Variants in CABCOCO1 observed in about 807,000 individuals in gnomAD.
CABCOCO1 encodes ciliary-associated calcium-binding coiled-coil protein 1.
A neutral mutation model predicts 35.7 loss-of-function variants in CABCOCO1; 28 were observed. The ratio of observed to expected loss-of-function variants is 0.78; its 90% CI spans 0.58 to 1.07. The LOEUF (loss-of-function observed/expected upper bound fraction) is 1.07, where lower values mean the gene tolerates loss of function less well. CABCOCO1 is among the 50% of genes least tolerant of loss of function. The probability of loss-of-function intolerance (pLI) is 0.00; values close to 1 mark genes in which losing one functional copy is unlikely to be tolerated. For missense variants in CABCOCO1, 326 were observed against 309.2 expected (o/e 1.05, Z -0.41); for synonymous variants, 95 against 100.1 (o/e 0.95, Z 0.30).
At chr10:61,728,873 G>A (rs1474273404) in intron 5 of CABCOCO1, among the ~76,000 whole-genome samples, 1 of 152,100 alleles carries the variant, frequency 6.6e-6, no homozygotes, top group East Asian at 1.9e-4. Context: ...CCTTCTTGAA[G>A]TCATGGCTGG....
At chr10:61,734,153 G>A (rs1841364891) in intron 5 of CABCOCO1, among the ~76,000 whole-genome samples, 1 of 151,362 alleles carries the variant, frequency 6.6e-6, no homozygotes, top group African/African-American at 2.4e-5. Context: ...TTTTCTCTCT[G>A]CCCTAAACCT....
At chr10:61,760,248 C>A in intron 6 of CABCOCO1, 67 bp downstream of exon 6, 3 of 1,521,438 alleles carry the variant, frequency 2.0e-6, no homozygotes, top group Non-Finnish European at 2.7e-6. Context: ...TGGGAGGAAA[C>A]GAACTAAATG....
At chr10:61,759,161 TC>T (rs1323643716) in intron 5 of CABCOCO1, among the ~76,000 whole-genome samples, 19 of 152,052 alleles carry the variant, frequency 1.2e-4, no homozygotes, top group African/African-American at 4.1e-4. Context: ...AATAACAAGC[TC>T]CTATAAAGCA....
At chr10:61,679,313 AT>A (rs1839627870) in intron 2 of CABCOCO1, among the ~76,000 whole-genome samples, 6 of 128,460 alleles carry the variant, frequency 4.7e-5, no homozygotes, top group African/African-American at 9.1e-5. Flanking sequence ...ATCTATATCT[AT>A]ATCTATATCT....
intron 5 of CABCOCO1, among the ~76,000 whole-genome samples, chr10:61,712,679 G>A (rs1415729093): frequency 1.3e-5 from 2 of 152,188 alleles, no homozygotes; most frequent in South Asian, 2.1e-4. Context: ...AATAATTTAT[G>A]TATAAGGTGT....
chr10:61,703,133 A>G (rs1222345192), intron 5 of CABCOCO1, among the ~76,000 whole-genome samples: 8 of 151,940 alleles, frequency 5.3e-5, no homozygotes, highest in Non-Finnish European at 4.4e-5. Flanking sequence ...ACTAAGAAGA[A>G]TTTAGATGGG....
intron 5 of CABCOCO1, among the ~76,000 whole-genome samples, chr10:61,693,001 C>G (rs954899779): frequency 6.6e-6 from 1 of 152,076 alleles, no homozygotes; most frequent in African/African-American, 2.4e-5. Context: ...AAAGAACTCC[C>G]TTTTCCTTTG....
At chr10:61,715,164 T>C (rs1044647408) in intron 5 of CABCOCO1, among the ~76,000 whole-genome samples, 1 of 152,132 alleles carries the variant, frequency 6.6e-6, no homozygotes, top group Admixed American at 6.6e-5. Context: ...TTTGTAGGTC[T>C]CTAAGGACTT....
intron 7 of CABCOCO1, among the ~76,000 whole-genome samples, chr10:61,761,679 T>C (rs1159216174): frequency 6.6e-6 from 1 of 152,126 alleles, no homozygotes; most frequent in African/African-American, 2.4e-5. Flanking sequence ...TTGAGTACAT[T>C]TGCAATTTAT....
At chr10:61,699,104 T>A (rs559876898) in intron 5 of CABCOCO1, among the ~76,000 whole-genome samples, 1 of 152,264 alleles carries the variant, frequency 6.6e-6, no homozygotes, top group Admixed American at 6.5e-5. Flanking sequence ...TTTGACCTAC[T>A]CACATTGGGT....
chr10:61,684,253 C>T (rs917384732), intron 3 of CABCOCO1, among the ~76,000 whole-genome samples: 1 of 152,168 alleles, frequency 6.6e-6, no homozygotes, highest in Non-Finnish European at 1.5e-5. Flanking sequence ...AATTGTAATT[C>T]ATTAAACCAG....
intron 4 of CABCOCO1, among the ~76,000 whole-genome samples, chr10:61,688,751 AATT>A (rs1314655465): frequency 1.3e-5 from 2 of 152,206 alleles, no homozygotes; most frequent in African/African-American, 4.8e-5. Flanking sequence ...AGACATCTTG[AATT>A]ATTTTCACTT....
At chr10:61,667,356 A>G (rs1266315813) in intron 1 of CABCOCO1, among the ~76,000 whole-genome samples, 2 of 150,964 alleles carry the variant, frequency 1.3e-5, no homozygotes, top group Non-Finnish European at 3.0e-5. Context: ...GTCGTTTTAC[A>G]TTCATCTTTA....
At chr10:61,712,238 T>G (rs898782446) in intron 5 of CABCOCO1, among the ~76,000 whole-genome samples, 3 of 152,238 alleles carry the variant, frequency 2.0e-5, no homozygotes, top group Non-Finnish European at 4.4e-5. Flanking sequence ...TGGTTTTGAT[T>G]TGCATTTCTC....
intron 5 of CABCOCO1, among the ~76,000 whole-genome samples, chr10:61,748,281 T>A (rs542639414): frequency 6.6e-6 from 1 of 152,328 alleles, no homozygotes. Context: ...ATTTAATTCT[T>A]TAGTAAATAT....
intron 5 of CABCOCO1, among the ~76,000 whole-genome samples, chr10:61,719,951 A>G (rs1840962021): frequency 6.6e-6 from 1 of 151,792 alleles, no homozygotes; most frequent in Admixed American, 6.6e-5. Flanking sequence ...GCAAAAAAGA[A>G]AATAAAATCA....
intron 5 of CABCOCO1, among the ~76,000 whole-genome samples, chr10:61,710,538 A>C (rs1840709527): frequency 6.6e-6 from 1 of 152,006 alleles, no homozygotes; most frequent in Admixed American, 6.6e-5. Context: ...AAATATGAAA[A>C]ATGCTTCATC....
At chr10:61,726,192 A>G (rs1589142615) in intron 5 of CABCOCO1, among the ~76,000 whole-genome samples, 1 of 152,318 alleles carries the variant, frequency 6.6e-6, no homozygotes, top group Non-Finnish European at 1.5e-5. Flanking sequence ...GTCCATGAAG[A>G]TTTCTGCTCT....
chr10:61,668,769 T>TA (rs1839265941), intron 1 of CABCOCO1, among the ~76,000 whole-genome samples: 1 of 151,820 alleles, frequency 6.6e-6, no homozygotes, highest in Non-Finnish European at 1.5e-5. Context: ...AAGACTATGG[T>TA]AAGGTGAACG....
Sources: allele counts gnomAD v4.1 joint callset (sites outside exome capture counted in the v4.1 genomes callset), GRCh38; gene constraint gnomAD v4.1.1; transcripts MANE v1.5; gene names NCBI Gene and HGNC (gene_info 2026-07-23, HGNC 2026-07-21).